The following DCK variants were observed in gnomAD, a reference collection of about 807,000 sequenced individuals.
DCK encodes the protein deoxycytidine kinase.
Under a neutral mutation model 38.3 loss-of-function variants are expected in DCK, and 23 were observed. That is an observed-to-expected ratio of 0.60 (90% CI 0.43 to 0.85). The LOEUF is 0.85. Among genes scored for constraint, DCK ranks in the 40% least tolerant of loss-of-function variants. The pLI is 0.00. For missense variants in DCK, 259 were observed against 304.4 expected, an observed-to-expected ratio of 0.85 and a Z score of 1.11; for synonymous variants, 108 against 100.6, an observed-to-expected ratio of 1.07 and a Z score of -0.44.
At chr4:71,008,764 A>G (rs1740016940) in intron 2 of DCK, among the ~76,000 whole-genome samples, 1 of 152,232 alleles carries the variant, frequency 6.6e-6, no homozygotes, top group African/African-American at 2.4e-5. Flanking sequence ...GGGCACAGAA[A>G]CTGACATATA....
intron 2 of DCK, among the ~76,000 whole-genome samples, chr4:71,005,968 A>T (rs1739928932): frequency 6.6e-6 from 1 of 151,326 alleles, no homozygotes. Flanking sequence ...TCCACTAAAC[A>T]TACAAAAATT....
At chr4:71,023,047 G>T (rs545060466) in intron 3 of DCK, among the ~76,000 whole-genome samples, 37 of 152,182 alleles carry the variant, frequency 2.4e-4, no homozygotes, top group Admixed American at 1.5e-3. Flanking sequence ...TGTCCAAAGA[G>T]CATGTCCTAT....
At chr4:71,020,168 C>T (rs1740378507) in intron 2 of DCK, among the ~76,000 whole-genome samples, 1 of 152,178 alleles carries the variant, frequency 6.6e-6, no homozygotes, top group African/African-American at 2.4e-5. Context: ...GTCATTTGTT[C>T]TACATAATTT....
In DCK at chr4:71,023,580, G is replaced by T. The variant is rs372497422; in HGVS notation, c.423G>T (p.Leu141Phe). 2.5e-6 allele frequency: 4 copies of T among 1,599,176 alleles called. No homozygotes were observed. Among genetic ancestry groups the T allele is most frequent in the Non-Finnish European group, 3.4e-6 (4 of 1,170,706 alleles). Residue 141 changes from leucine to phenylalanine, a missense_variant, in exon 4 of 7, where the codon TTG becomes TTT. Physicochemically the swap from Leu to Phe is conservative, Grantham distance 22 (BLOSUM62 0). Coordinates refer to ENST00000286648, the MANE Select transcript of DCK (RefSeq NM_000788.3). ...TTAGGTATATTTTTGCATCTAATTT[G>T]TATGAATCTGAATGCATGAATGAGA... ...YSDRYIFASN[L>F]YESECMNETE...
At chr4:70,994,059 C>T (rs921884529) in intron 1 of DCK, 133 bp downstream of exon 1, 1 of 716,358 alleles carries the variant, frequency 1.4e-6, no homozygotes, top group Non-Finnish European at 2.5e-6. Flanking sequence ...GACGCGGCCT[C>T]GGCTTCCTTT....
chr4:71,001,672 G>T (rs1485050792), intron 2 of DCK, among the ~76,000 whole-genome samples: 1 of 152,016 alleles, frequency 6.6e-6, no homozygotes, highest in Admixed American at 6.6e-5. Flanking sequence ...CTTTTTATTG[G>T]TCTGTTCATT....
At position 71,014,072 on chromosome 4, in the gene DCK, G is replaced by A. The variant is rs181997033; in HGVS notation, c.208-8295G>A. ...GGCTCAAAATAAAGGGATGTATGAA[G>A]ATCTACCAAGCAAATGGAAAACAAA... On this transcript the variant is annotated intron_variant, in intron 2 of 6. Transcript: ENST00000286648. Among the ~76,000 whole-genome samples the A allele has an allele frequency of 3.3e-3, 504 of 152,210 alleles. 4 individuals are homozygous for A. Among genetic ancestry groups the A allele is most frequent in the Middle Eastern group, 6.8e-3 (2 of 294 alleles).
chr4:70,997,893 G>A (rs9993633), intron 1 of DCK, among the ~76,000 whole-genome samples, 174 bp from the exon 2 acceptor site: 16,558 of 152,238 alleles, frequency 0.11, 1,978 homozygotes, highest in African/African-American at 0.3. Flanking sequence ...ATGAAATTGG[G>A]CAGGGAGCCT....
Position 71,024,624 on chromosome 4 carries a change from A to G in DCK, c.549+918A>G, listed in dbSNP as rs533622482. ...ATTCCAACGGATGATTTTGTTCTTC[A>G]TTAAGTAAAGATTTTGTTCTTCATT... On this transcript the variant is annotated intron_variant, in intron 4 of 6. Coordinates refer to ENST00000286648, the MANE Select transcript of DCK (RefSeq NM_000788.3). Among the ~76,000 whole-genome samples, 7 of 152,154 alleles carry G rather than the reference A, an allele frequency of 4.6e-5. 1 individual carries two copies. Among genetic ancestry groups the G allele is most frequent in the African/African-American group, 1.7e-4 (7 of 41,570 alleles).
At chr4:70,995,221 T>A (rs1042017761) in intron 1 of DCK, among the ~76,000 whole-genome samples, 9 of 152,192 alleles carry the variant, frequency 5.9e-5, no homozygotes, top group African/African-American at 2.2e-4. Context: ...ATGGAATCTC[T>A]GACAGCTGCT....
chr4:71,011,015 C>A (rs908051413), intron 2 of DCK, among the ~76,000 whole-genome samples: 1 of 150,998 alleles, frequency 6.6e-6, no homozygotes, highest in African/African-American at 2.4e-5. Flanking sequence ...TGGCTCACTG[C>A]AACCTCTGCC....
At chr4:71,027,178 A>G (rs1416450614) in intron 6 of DCK, among the ~76,000 whole-genome samples, 1 of 152,138 alleles carries the variant, frequency 6.6e-6, no homozygotes, top group Admixed American at 6.5e-5. Context: ...TTGTGAAATT[A>G]AATTTATCTT....
At chr4:71,013,941 T>C (rs1740176691) in intron 2 of DCK, among the ~76,000 whole-genome samples, 1 of 152,110 alleles carries the variant, frequency 6.6e-6, no homozygotes. Flanking sequence ...GGCTAAATAC[T>C]CCAATTGAAA....
At chr4:71,007,549 C>T (rs1350483379) in intron 2 of DCK, among the ~76,000 whole-genome samples, 1 of 152,176 alleles carries the variant, frequency 6.6e-6, no homozygotes, top group Admixed American at 6.5e-5. Flanking sequence ...CATGAACATA[C>T]CTCTAAGTAT....
intron 2 of DCK, among the ~76,000 whole-genome samples, chr4:71,012,911 G>A (rs922130616): frequency 5.9e-5 from 9 of 152,314 alleles, no homozygotes; most frequent in South Asian, 4.1e-4. Flanking sequence ...AAAGCTGGAC[G>A]GAGAATGACT....
chr4:71,029,162 A>G (rs185135356), intron 6 of DCK, among the ~76,000 whole-genome samples, 190 bp from the exon 7 acceptor site: 30 of 152,246 alleles, frequency 2.0e-4, no homozygotes, highest in African/African-American at 7.0e-4. Context: ...CCAAAATGCT[A>G]GAATTACAGG....
At chr4:70,995,343 T>G (rs13117017) in intron 1 of DCK, among the ~76,000 whole-genome samples, 1 of 152,198 alleles carries the variant, frequency 6.6e-6, no homozygotes, top group Non-Finnish European at 1.5e-5. Context: ...TCCCAGGATT[T>G]GGGGAGGCTT....
At position 71,025,893 on chromosome 4, in the gene DCK, T is replaced by C; in HGVS notation, c.627T>C (p.His209=). 1 of 1,610,830 alleles carries C rather than the reference T, an allele frequency of 6.2e-7. No homozygotes were observed. Among genetic ancestry groups the C allele is most frequent in the Non-Finnish European group, 8.5e-7 (1 of 1,178,338 alleles). The part of the protein sequence containing the change: ...GIPLEYLEKL[H]YKHESWLLHR... ...CTCTTGAATATTTAGAGAAGCTTCA[T>C]TATAAACATGAAAGCTGGCTCCTGC... Residue 209 remains histidine (H), a synonymous_variant, in exon 5 of 7, where the codon CAT becomes CAC. Coordinates refer to ENST00000286648, the MANE Select transcript of DCK (RefSeq NM_000788.3).
chr4:71,007,381 A>T (rs1394609932), intron 2 of DCK, among the ~76,000 whole-genome samples: 2 of 152,250 alleles, frequency 1.3e-5, no homozygotes, highest in Non-Finnish European at 2.9e-5. Context: ...TATAACCATT[A>T]TCCAGGTCAA....
Sources: gnomAD v4.1 joint callset for allele counts (sites outside exome capture counted in the v4.1 genomes callset) on GRCh38, gnomAD v4.1.1 for gene constraint, MANE v1.5 for transcripts, NCBI Gene and HGNC (gene_info 2026-07-23, HGNC 2026-07-21) for gene names.